The following PCDHGA8 variants were observed in gnomAD, a reference collection of about 807,000 sequenced individuals.
The protein encoded by PCDHGA8 is protocadherin gamma-A8.
PCDHGA8 carries 45 observed loss-of-function variants against 59.2 expected under a neutral mutation model. The observed-to-expected ratio is 0.76, with a 90% confidence interval of 0.60 to 0.98. PCDHGA8 has a LOEUF of 0.98. Ranked by LOEUF, PCDHGA8 falls within the 50% of genes least tolerant of loss-of-function variation. The pLI is 0.00. For missense variants in PCDHGA8, 1,257 were observed against 1,196.2 expected, an observed-to-expected ratio of 1.05 and a Z score of -0.75; for synonymous variants, 531 against 519.0, an observed-to-expected ratio of 1.02 and a Z score of -0.32.
intron 1 of PCDHGA8, among the ~76,000 whole-genome samples, chr5:141,462,559 T>G (rs1035231534): frequency 6.6e-6 from 1 of 152,248 alleles, no homozygotes; most frequent in African/African-American, 2.4e-5. Flanking sequence ...CAGTGTTTAC[T>G]GTATTTGCTA....
At position 141,393,707 on chromosome 5, in the gene PCDHGA8, T is replaced by A; in HGVS notation, c.894T>A (p.Thr298=). 6.2e-7 allele frequency: 1 copy of A among 1,613,882 alleles called. No homozygotes were observed. Among genetic ancestry groups the A allele is most frequent in the African/African-American group, 1.3e-5 (1 of 75,042 alleles). ...CGTTATTCCAGCTTAATGAAAATAC[T>A]GGGGAAATATCAATAGCAAAAAGTC... ...QTPLFQLNEN[T]GEISIAKSLD... The change falls in exon 1 of 4, where the codon ACT becomes ACA. Residue 298 remains threonine (T), a synonymous_variant. Coordinates refer to ENST00000398604, the MANE Select transcript of PCDHGA8 (RefSeq NM_032088.2).
chr5:141,472,980 C>CAAAAAAAAAAA (rs60579131), intron 1 of PCDHGA8, among the ~76,000 whole-genome samples: 11 of 86,030 alleles, frequency 1.3e-4, no homozygotes, highest in Non-Finnish European at 1.3e-4. Flanking sequence ...GAGTGAAACT[C>CAAAAAAAAAAA]AAAAAAAAAA....
intron 1 of PCDHGA8, among the ~76,000 whole-genome samples, chr5:141,482,056 G>A (rs1271837619): frequency 1.3e-5 from 2 of 149,012 alleles, no homozygotes; most frequent in Non-Finnish European, 3.0e-5. Context: ...TTGCATTCCA[G>A]CCTGGGCAAC....
chr5:141,505,596 T>G (rs2099846990), intron 3 of PCDHGA8, 115 bp downstream of exon 3: 1 of 1,562,168 alleles, frequency 6.4e-7, no homozygotes, highest in African/African-American at 1.4e-5. Context: ...CTCCAGATCT[T>G]TCGGCAGGTC....
At chr5:141,424,956 T>A (rs1435882776) in intron 1 of PCDHGA8, among the ~76,000 whole-genome samples, 1 of 152,176 alleles carries the variant, frequency 6.6e-6, no homozygotes, top group African/African-American at 2.4e-5. Context: ...TTCTAGGTAT[T>A]TGCCCCAAAT....
chr5:141,464,328 C>T (rs2099081878), intron 1 of PCDHGA8, among the ~76,000 whole-genome samples: 1 of 150,722 alleles, frequency 6.6e-6, no homozygotes, highest in Admixed American at 6.6e-5. Context: ...CTGTTCAACC[C>T]ATCTATGACT....
At position 141,399,337 on chromosome 5, in the gene PCDHGA8, GGAACCCTAGACC is replaced by G. The variant is rs754766358; in HGVS notation, c.2424+4103_2424+4114del. 29 of 1,613,990 alleles carry G rather than the reference GGAACCCTAGACC, an allele frequency of 1.8e-5. No individual in the cohort carries two copies. In the South Asian group the frequency reaches 3.1e-4, roughly 17 times the overall value. Reference sequence around the variant, plus strand: ...AAATTCGTATAAGTTGGTAACAGATGGAACCCTAGACCGAGAGCAAACCCCGGAGTACAATGT... The same window carrying G: ...AAATTCGTATAAGTTGGTAACAGATGGAGAGCAAACCCCGGAGTACAATGT... On this transcript the variant is annotated intron_variant, in intron 1 of 3. Transcript: ENST00000398604.
chr5:141,400,965 CTCTT>C (rs2094096418), intron 1 of PCDHGA8, among the ~76,000 whole-genome samples: 1 of 151,032 alleles, frequency 6.6e-6, no homozygotes, highest in Non-Finnish European at 1.5e-5. Flanking sequence ...TAGTTTTCAT[CTCTT>C]TCTTATGTTC....
At chr5:141,427,997 A>C (rs1471083920) in intron 1 of PCDHGA8, 2 of 1,600,232 alleles carry the variant, frequency 1.2e-6, no homozygotes, top group African/African-American at 2.7e-5. Flanking sequence ...ATGGCTCCGC[A>C]CTCTTCGATA....
At chr5:141,414,812 T>C (rs1389980970) in intron 1 of PCDHGA8, 1 of 1,614,172 alleles carries the variant, frequency 6.2e-7, no homozygotes, top group South Asian at 1.1e-5. Flanking sequence ...GATCCTCCAC[T>C]CAGCAGCAAC....
intron 1 of PCDHGA8, chr5:141,422,768 T>C: frequency 6.2e-7 from 1 of 1,613,824 alleles, no homozygotes. Context: ...AACACTGGTG[T>C]TCTCTATGCC....
chr5:141,414,950 T>C (rs1017858929), intron 1 of PCDHGA8: 2 of 1,613,912 alleles, frequency 1.2e-6, no homozygotes, highest in African/African-American at 2.7e-5. Context: ...GGCTACCTGG[T>C]GACCAAGGTG....
At chr5:141,399,019 A>AC in intron 1 of PCDHGA8, 1 of 1,613,932 alleles carries the variant, frequency 6.2e-7, no homozygotes, top group Non-Finnish European at 8.5e-7. Context: ...CGGAGAAATT[A>AC]CCACTCAAAA....
At chr5:141,461,740 G>T (rs770518286) in intron 1 of PCDHGA8, among the ~76,000 whole-genome samples, 1 of 152,072 alleles carries the variant, frequency 6.6e-6, no homozygotes, top group African/African-American at 2.4e-5. Context: ...GCACAATCCC[G>T]GCTCCCAGAT....
rs771411620 is a variant in PCDHGA8, at chr5:141,485,551, G to A, written c.2425-9256G>A. ...GAGCAGAGGTAGAGATCGTAGATGT[G>A]AATGATCACGCCCCCCGTTTTCCGC... On this transcript the variant is annotated intron_variant, in intron 1 of 3. Transcript: ENST00000398604. This position sits in a 1 kb window ranked among gnomAD's most constrained non-coding sequence, Gnocchi z 5.7. 1.9e-6 allele frequency: 3 copies of A among 1,613,958 alleles called. No individual in the cohort carries two copies. Among genetic ancestry groups the A allele is most frequent in the Admixed American group, 1.7e-5 (1 of 60,006 alleles).
intron 1 of PCDHGA8, chr5:141,409,297 T>G (rs762820320): frequency 1.9e-6 from 3 of 1,614,006 alleles, no homozygotes; most frequent in South Asian, 2.2e-5. Context: ...CAGGAATGGT[T>G]GTTGCCCTCT....
Position 141,392,935 on chromosome 5 carries a change from A to G in PCDHGA8, c.122A>G (p.Lys41Arg). The G allele has an allele frequency of 1.2e-6, 2 of 1,613,932 alleles. No homozygotes were observed. Among genetic ancestry groups the G allele is most frequent in the Non-Finnish European group, 1.7e-6 (2 of 1,179,890 alleles). ...TACTCTGTGCCAGAAGAGACGGACA[A>G]AGGCTCCTTCGTGGGTAATATCTCC... ...IRYSVPEETD[K>R]GSFVGNISKD... The change falls in exon 1 of 4, where the codon AAA becomes AGA. Residue 41 changes from lysine to arginine, a missense_variant. Transcript: ENST00000398604.
chr5:141,441,973 C>A lies in PCDHGA8; in HGVS notation c.2424+46736C>A, dbSNP rs1457832429. The A allele has an allele frequency of 3.7e-5, 11 of 296,542 alleles. No individual in the cohort carries two copies. In the Admixed American group the frequency reaches 4.9e-4, roughly 13 times the overall value. 18.4% of individuals were successfully genotyped at this position (296,542 alleles called of 1,614,324 possible). A position where few individuals can be genotyped will look rare whatever the true frequency, so the allele number is the denominator to read the frequency against. ...GGCCAGCAAGCCCAGGCTCTTCAGC[C>A]TGGAATGCGCACCGACGAGGTGCTG... On this transcript the variant is annotated intron_variant, in intron 1 of 3. Coordinates refer to ENST00000398604, the MANE Select transcript of PCDHGA8 (RefSeq NM_032088.2).
At chr5:141,408,121 T>C in intron 1 of PCDHGA8, 1 of 1,475,406 alleles carries the variant, frequency 6.8e-7, no homozygotes, top group South Asian at 1.4e-5. Context: ...CCTCCTGTCC[T>C]GGGCCGAATG....
Sources: gnomAD v4.1 joint callset for allele counts (sites outside exome capture counted in the v4.1 genomes callset) on GRCh38, gnomAD v4.1.1 for gene constraint, Gnocchi (gnomAD v3.1) non-coding constraint, MANE v1.5 for transcripts, NCBI Gene and HGNC (gene_info 2026-07-23, HGNC 2026-07-21) for gene names.